The following MYT1L variants were observed in gnomAD, a reference collection of about 807,000 sequenced individuals.
MYT1L encodes myelin transcription factor 1-like protein.
Under a neutral mutation model 126.7 loss-of-function variants are expected in MYT1L, and 12 were observed. The ratio of observed to expected loss-of-function variants is 0.09; its 90% CI spans 0.06 to 0.15. The LOEUF is 0.15. MYT1L is among the 10% of genes least tolerant of loss of function. The probability of loss-of-function intolerance (pLI) is 1.00; values close to 1 mark genes in which losing one functional copy is unlikely to be tolerated. For missense variants in MYT1L, 979 were observed against 1,585.2 expected (o/e 0.62, Z 6.49); for synonymous variants, 541 against 604.2 (o/e 0.90, Z 1.53).
intron 8 of MYT1L, among the ~76,000 whole-genome samples, chr2:1,953,990 G>C (rs545622490): frequency 2.0e-5 from 3 of 152,144 alleles, no homozygotes; most frequent in South Asian, 4.1e-4. Flanking sequence ...GAAGGTTGAC[G>C]GGGCTCCCTG....
intron 2 of MYT1L, among the ~76,000 whole-genome samples, chr2:2,276,991 T>A (rs1012994722): frequency 1.3e-5 from 2 of 152,054 alleles, no homozygotes; most frequent in African/African-American, 2.4e-5. Context: ...TTTCTCTTTT[T>A]CTTTTTTTGA....
chr2:2,135,851 C>T (rs934579544), intron 3 of MYT1L, among the ~76,000 whole-genome samples: 3 of 152,170 alleles, frequency 2.0e-5, no homozygotes, highest in Admixed American at 6.5e-5. Context: ...CTGGGCCTGC[C>T]GGGCTTGGCC....
At chr2:1,952,588 C>T (rs1449645610) in intron 8 of MYT1L, among the ~76,000 whole-genome samples, 1 of 151,528 alleles carries the variant, frequency 6.6e-6, no homozygotes, top group African/African-American at 2.4e-5. Flanking sequence ...CCCAAGTGTG[C>T]CTCTGTTCCT....
intron 3 of MYT1L, among the ~76,000 whole-genome samples, chr2:2,115,996 T>C (rs2080167836): frequency 1.3e-5 from 2 of 150,186 alleles, no homozygotes; most frequent in Admixed American, 6.6e-5. Flanking sequence ...GAGCCTGCTG[T>C]GCAGTTGAGG....
At chr2:1,988,707 G>T (rs2061239977) in intron 5 of MYT1L, among the ~76,000 whole-genome samples, 1 of 152,180 alleles carries the variant, frequency 6.6e-6, no homozygotes, top group South Asian at 2.1e-4. Flanking sequence ...AGAATCTTAG[G>T]TAAGAACCTT....
intron 18 of MYT1L, among the ~76,000 whole-genome samples, chr2:1,865,087 T>C (rs1256442399): frequency 6.6e-6 from 1 of 152,144 alleles, no homozygotes; most frequent in African/African-American, 2.4e-5. Flanking sequence ...AGGGCGCCCG[T>C]GTGGGTGTCA....
intron 1 of MYT1L, among the ~76,000 whole-genome samples, chr2:2,316,841 C>T (rs932946193): frequency 2.6e-5 from 4 of 151,696 alleles, no homozygotes; most frequent in Admixed American, 1.3e-4. Context: ...GACAGAGTCT[C>T]GCTCTGTCAC....
At chr2:2,222,764 T>C (rs1370878018) in intron 2 of MYT1L, among the ~76,000 whole-genome samples, 1 of 152,166 alleles carries the variant, frequency 6.6e-6, no homozygotes, top group African/African-American at 2.4e-5. Context: ...GATATCTACT[T>C]GTATTTTAAA....
At chr2:2,055,225 G>C (rs1271829945) in intron 3 of MYT1L, among the ~76,000 whole-genome samples, 2 of 152,168 alleles carry the variant, frequency 1.3e-5, no homozygotes, top group African/African-American at 4.8e-5. Flanking sequence ...AAGCATACGG[G>C]ATGTATCTGC....
At chr2:1,859,211 G>T (rs1259333283) in intron 18 of MYT1L, among the ~76,000 whole-genome samples, 1 of 152,192 alleles carries the variant, frequency 6.6e-6, no homozygotes, top group Non-Finnish European at 1.5e-5. Flanking sequence ...ATTTCAAAGT[G>T]TGAAGTAGAC....
At chr2:2,089,596 A>G (rs1003386488) in intron 3 of MYT1L, among the ~76,000 whole-genome samples, 2 of 152,240 alleles carry the variant, frequency 1.3e-5, no homozygotes, top group African/African-American at 4.8e-5. Context: ...ATTCAGAAAT[A>G]TAAGAGCTGC....
At chr2:2,105,959 A>T (rs2078701184) in intron 3 of MYT1L, among the ~76,000 whole-genome samples, 1 of 152,206 alleles carries the variant, frequency 6.6e-6, no homozygotes, top group Non-Finnish European at 1.5e-5. Context: ...ATTCATTAGG[A>T]TAACCAGGGA....
intron 10 of MYT1L, among the ~76,000 whole-genome samples, chr2:1,919,286 T>G (rs2053255250): frequency 6.6e-6 from 1 of 152,200 alleles, no homozygotes; most frequent in Non-Finnish European, 1.5e-5. Context: ...TCATGCTATT[T>G]GCCTTCACCG....
chr2:1,875,582 C>T (rs1210202641), intron 18 of MYT1L, among the ~76,000 whole-genome samples: 1 of 152,226 alleles, frequency 6.6e-6, no homozygotes, highest in Admixed American at 6.5e-5. Context: ...AGGCGAGTGC[C>T]TCAGTTTCCC....
At chr2:1,955,994 T>C (rs2058306525) in intron 8 of MYT1L, among the ~76,000 whole-genome samples, 1 of 152,206 alleles carries the variant, frequency 6.6e-6, no homozygotes, top group Non-Finnish European at 1.5e-5. Flanking sequence ...ATGTTTGTCA[T>C]GGATATGATG....
intron 1 of MYT1L, among the ~76,000 whole-genome samples, chr2:2,295,577 G>C (rs796581762): frequency 2.5e-5 from 3 of 119,420 alleles, no homozygotes; most frequent in African/African-American, 9.0e-5. Flanking sequence ...GAGAGAGAGA[G>C]AGAGAGACAG....
At chr2:2,105,839 T>C (rs1364852401) in intron 3 of MYT1L, among the ~76,000 whole-genome samples, 1 of 152,084 alleles carries the variant, frequency 6.6e-6, no homozygotes, top group Non-Finnish European at 1.5e-5. Context: ...CAAAATGAGG[T>C]TTACGTGTAT....
chr2:1,927,776 C>G (rs2054425865), intron 9 of MYT1L, among the ~76,000 whole-genome samples: 1 of 152,176 alleles, frequency 6.6e-6, no homozygotes, highest in African/African-American at 2.4e-5. Context: ...AGGACCACTG[C>G]TTTCTATGGC....
At chr2:1,794,969 C>G (rs1459610779) in intron 23 of MYT1L, among the ~76,000 whole-genome samples, 1 of 152,226 alleles carries the variant, frequency 6.6e-6, no homozygotes, top group African/African-American at 2.4e-5. Flanking sequence ...AGACCCAAAA[C>G]CAGAACCGAC....
Sources: gnomAD v4.1 joint callset for allele counts (sites outside exome capture counted in the v4.1 genomes callset) on GRCh38, gnomAD v4.1.1 for gene constraint, MANE v1.5 for transcripts, NCBI Gene and HGNC (gene_info 2026-07-23, HGNC 2026-07-21) for gene names.